The following RGS6 variants were observed in gnomAD, a reference collection of about 807,000 sequenced individuals.
The protein encoded by RGS6 is regulator of G protein signaling 6.
RGS6 carries 30 observed loss-of-function variants against 78.5 expected under a neutral mutation model. The ratio of observed to expected loss-of-function variants is 0.38; its 90% CI spans 0.29 to 0.52. RGS6 has a LOEUF of 0.52. RGS6 is among the 20% of genes least tolerant of loss of function. The pLI is 0.85. For synonymous variants in RGS6, 206 were observed against 206.0 expected (o/e 1.00, Z 0.00); for missense variants, 495 against 609.7 (o/e 0.81, Z 1.98).
intron 17 of RGS6, chr14:72,540,914 A>G (rs1598899984): frequency 1.0e-6 from 1 of 985,390 alleles, no homozygotes; most frequent in Non-Finnish European, 1.2e-6. Flanking sequence ...GGGAGTGGGG[A>G]GTCCGTGGCT....
chr14:72,454,856 C>A (rs527508085), intron 4 of RGS6, among the ~76,000 whole-genome samples: 27 of 152,212 alleles, frequency 1.8e-4, no homozygotes, highest in Non-Finnish European at 3.5e-4. Flanking sequence ...TCATTAGCTG[C>A]AGCAATTAAA....
intron 2 of RGS6, among the ~76,000 whole-genome samples, chr14:72,269,913 AC>A (rs1050029396): frequency 1.2e-4 from 18 of 152,252 alleles, no homozygotes; most frequent in African/African-American, 4.3e-4. Flanking sequence ...CCTCATGTAA[AC>A]AATTCTCCCA....
At chr14:72,035,091 A>G (rs11621992) in intron 2 of RGS6, among the ~76,000 whole-genome samples, 19,748 of 152,094 alleles carry the variant, frequency 0.13, 1,337 homozygotes, top group East Asian at 0.17. Flanking sequence ...AGGAAAATAC[A>G]TGGCATATAG....
chr14:72,250,509 A>G (rs952391149), intron 2 of RGS6, among the ~76,000 whole-genome samples: 107 of 152,144 alleles, frequency 7.0e-4, no homozygotes, highest in African/African-American at 1.8e-3. Context: ...AAATCATAGT[A>G]TCTGAGAAAG....
chr14:72,088,000 A>C (rs985913776), intron 2 of RGS6, among the ~76,000 whole-genome samples: 2 of 152,172 alleles, frequency 1.3e-5, no homozygotes, highest in African/African-American at 4.8e-5. Context: ...TAAAGGTCAG[A>C]TGAGAATGGG....
chr14:72,243,806 C>T (rs1333992518), intron 2 of RGS6, among the ~76,000 whole-genome samples: 1 of 151,250 alleles, frequency 6.6e-6, no homozygotes, highest in Non-Finnish European at 1.5e-5. Flanking sequence ...ACTGATTCAG[C>T]TATTCAGTCT....
chr14:72,284,421 AT>A, intron 2 of RGS6, among the ~76,000 whole-genome samples: 1 of 152,214 alleles, frequency 6.6e-6, no homozygotes, highest in Non-Finnish European at 1.5e-5. Flanking sequence ...CATTTTAGCC[AT>A]GGCTAAAAGG....
intron 2 of RGS6, among the ~76,000 whole-genome samples, chr14:72,060,803 A>G (rs969750336): frequency 6.6e-6 from 1 of 152,194 alleles, no homozygotes; most frequent in Non-Finnish European, 1.5e-5. Flanking sequence ...GACCTCCTAA[A>G]AAATGTAATG....
chr14:72,013,593 G>GGATGGA (rs1156626473), intron 2 of RGS6, among the ~76,000 whole-genome samples: 1 of 152,222 alleles, frequency 6.6e-6, no homozygotes, highest in Non-Finnish European at 1.5e-5. Context: ...GTGAGGGCAA[G>GGATGGA]GATGGAGCTA....
At chr14:71,929,440 A>G (rs985041603), upstream of RGS6, among the ~76,000 whole-genome samples, 6 of 152,198 alleles carry the variant, frequency 3.9e-5, no homozygotes, top group African/African-American at 1.4e-4. Flanking sequence ...CTACATTCTC[A>G]GCATATCATA....
chr14:71,967,010 C>T (rs1444474779), intron 2 of RGS6, among the ~76,000 whole-genome samples: 1 of 150,592 alleles, frequency 6.6e-6, no homozygotes, highest in Non-Finnish European at 1.5e-5. Flanking sequence ...ATTATGTTTA[C>T]AGGAAAAAAA....
chr14:72,104,555 A>G (rs2153532378), intron 2 of RGS6, among the ~76,000 whole-genome samples: 1 of 152,332 alleles, frequency 6.6e-6, no homozygotes, highest in East Asian at 1.9e-4. Context: ...ATGACAGATG[A>G]TATTATTTTT....
At chr14:72,018,010 T>C (rs1353521406) in intron 2 of RGS6, among the ~76,000 whole-genome samples, 5 of 152,144 alleles carry the variant, frequency 3.3e-5, no homozygotes, top group Admixed American at 2.6e-4. Flanking sequence ...CACTTATAAG[T>C]GAGAAAATAC....
Position 72,241,169 on chromosome 14 carries a change from A to AC in RGS6, c.85-110926_85-110925insC, listed in dbSNP as rs2052705861. On this transcript the variant is annotated intron_variant, in intron 2 of 17. Transcript: ENST00000553525. ...AGACTCTGTCTCAAAAAAAAAAAAA[A>AC]AACAAAACTTATGCCTTTTATGAGA... Among the ~76,000 whole-genome samples, 9 of 151,966 alleles carry AC rather than the reference A, an allele frequency of 5.9e-5. 2 individuals are homozygous for AC. In the South Asian group the frequency reaches 1.9e-3, roughly 32 times the overall value.
Position 72,199,871 on chromosome 14 carries a change from T to C in RGS6, c.85-152224T>C, listed in dbSNP as rs188199958. On this transcript the variant is annotated intron_variant, in intron 2 of 17. Transcript: ENST00000553525. The stretch of plus-strand genomic sequence containing the variant: ...GTCTGTTTTTGTTAATAAAATTGTA[T>C]TGGAATTTAGGCACACTCATTTATA... Among the ~76,000 whole-genome samples the C allele has an allele frequency of 4.8e-3, 738 of 152,316 alleles. 8 individuals are homozygous for C. The highest frequency in any genetic ancestry group is 0.016 in the African/African-American group (664 of 41,562).
chr14:72,379,606 A>G (rs552863400), intron 3 of RGS6, among the ~76,000 whole-genome samples: 1 of 152,200 alleles, frequency 6.6e-6, no homozygotes, highest in Non-Finnish European at 1.5e-5. Context: ...AAACCTAGGA[A>G]TAAACTTAAC....
chr14:72,188,427 C>T (rs1200800073), intron 2 of RGS6, among the ~76,000 whole-genome samples: 1 of 152,084 alleles, frequency 6.6e-6, no homozygotes, highest in Non-Finnish European at 1.5e-5. Flanking sequence ...GCTAATGCCC[C>T]TAAAATGCAT....
the RGS6 span, among the ~76,000 whole-genome samples, chr14:71,913,106 C>T: frequency 2.6e-5 from 4 of 152,124 alleles, no homozygotes; most frequent in Non-Finnish European, 5.9e-5. Context: ...GGATTACAGG[C>T]GTGAGCCACC....
chr14:71,985,249 G>A (rs2332705), intron 2 of RGS6, among the ~76,000 whole-genome samples: 20,535 of 152,090 alleles, frequency 0.14, 1,712 homozygotes, highest in East Asian at 0.21. Flanking sequence ...TCAGCCTCCC[G>A]AGTAGCTGGG....
Sources: gnomAD v4.1 joint callset for allele counts (sites outside exome capture counted in the v4.1 genomes callset) on GRCh38, gnomAD v4.1.1 for gene constraint, MANE v1.5 for transcripts, NCBI Gene and HGNC (gene_info 2026-07-23, HGNC 2026-07-21) for gene names.